The following FAM13A variants were observed in gnomAD, a reference collection of about 807,000 sequenced individuals.
The protein encoded by FAM13A is family with sequence similarity 13 member A, also known as protein FAM13A.
A neutral mutation model predicts 129.6 loss-of-function variants in FAM13A; 76 were observed. The ratio of observed to expected loss-of-function variants is 0.59; its 90% CI spans 0.49 to 0.71. The LOEUF (loss-of-function observed/expected upper bound fraction) is 0.71. Ranked by LOEUF, FAM13A falls within the 30% of genes least tolerant of loss-of-function variation. The pLI, the probability that FAM13A is intolerant of heterozygous loss-of-function variation, is 0.00. For missense variants in FAM13A, 1,108 were observed against 1,249.3 expected (o/e 0.89, Z 1.70); for synonymous variants, 443 against 449.9 (o/e 0.98, Z 0.20).
intron 6 of FAM13A, among the ~76,000 whole-genome samples, chr4:88,887,299 TAAAG>T (rs1190507331): frequency 1.3e-5 from 2 of 151,994 alleles, no homozygotes; most frequent in Non-Finnish European, 2.9e-5. Context: ...AATAAATAAA[TAAAG>T]AAATAAATTT....
At chr4:88,859,155 A>G (rs1480384506) in intron 6 of FAM13A, among the ~76,000 whole-genome samples, 1 of 152,246 alleles carries the variant, frequency 6.6e-6, no homozygotes, top group Non-Finnish European at 1.5e-5. Context: ...AGAATAGCAA[A>G]GGAAAGAGGC....
intron 3 of FAM13A, among the ~76,000 whole-genome samples, chr4:89,011,149 T>A (rs368126191): frequency 1.3e-5 from 2 of 152,080 alleles, no homozygotes; most frequent in African/African-American, 4.8e-5. Flanking sequence ...TGCCTGGCCA[T>A]CCTCATTATC....
chr4:88,836,842 C>A (rs999297988), intron 7 of FAM13A, among the ~76,000 whole-genome samples: 7 of 151,862 alleles, frequency 4.6e-5, no homozygotes, highest in African/African-American at 1.7e-4. Flanking sequence ...TGTTTGTAAT[C>A]CCAGCTATTT....
Position 88,752,502 on chromosome 4 carries a change from A to C in FAM13A, c.1727-1865T>G, listed in dbSNP as rs79919426. Among the ~76,000 whole-genome samples, 413 of 152,348 alleles carry C rather than the reference A, an allele frequency of 2.7e-3. 3 individuals are homozygous for C. Among genetic ancestry groups the C allele is most frequent in the African/African-American group, 9.7e-3 (402 of 41,574 alleles). On this transcript the variant is annotated intron_variant, in intron 14 of 23. Coordinates refer to ENST00000264344, the MANE Select transcript of FAM13A (RefSeq NM_014883.4). ...GTTATCTGGAAATGCAGATAAAAAT[A>C]CAAATATTTTAAGAAATGAAAGCAG...
At chr4:89,047,314 C>G (rs1770992439) in intron 1 of FAM13A, among the ~76,000 whole-genome samples, 1 of 152,024 alleles carries the variant, frequency 6.6e-6, no homozygotes, top group Non-Finnish European at 1.5e-5. Flanking sequence ...ATTTTCTCCT[C>G]TTAAGTTACC....
chr4:88,915,551 T>G (rs1446022791), intron 5 of FAM13A, among the ~76,000 whole-genome samples: 1 of 152,186 alleles, frequency 6.6e-6, no homozygotes, highest in African/African-American at 2.4e-5. Flanking sequence ...ATTATAATTT[T>G]GATTGTGTTT....
At chr4:88,779,379 A>G (rs551615441) in intron 11 of FAM13A, among the ~76,000 whole-genome samples, 6 of 152,334 alleles carry the variant, frequency 3.9e-5, no homozygotes, top group Admixed American at 2.6e-4. Flanking sequence ...ACAACGTAAC[A>G]TTCAGGATGT....
intron 7 of FAM13A, among the ~76,000 whole-genome samples, chr4:88,808,818 A>G (rs1166814675): frequency 2.6e-5 from 4 of 152,114 alleles, no homozygotes. Context: ...AGATTTGGGC[A>G]ATCACCTCAT....
chr4:88,897,378 C>A (rs1423734552), intron 6 of FAM13A, among the ~76,000 whole-genome samples: 1 of 152,142 alleles, frequency 6.6e-6, no homozygotes, highest in Non-Finnish European at 1.5e-5. Context: ...GATGTATCAT[C>A]TTTTTCATCC....
chr4:88,975,670 T>C (rs1464817079), intron 4 of FAM13A, among the ~76,000 whole-genome samples: 6 of 152,210 alleles, frequency 3.9e-5, no homozygotes, highest in Non-Finnish European at 7.4e-5. Flanking sequence ...AAAATCCGAA[T>C]TTGCTTTTTC....
intron 4 of FAM13A, among the ~76,000 whole-genome samples, chr4:88,944,822 G>T (rs1352178542): frequency 6.6e-6 from 1 of 151,506 alleles, no homozygotes; most frequent in Admixed American, 6.6e-5. Flanking sequence ...ACAACTGCTT[G>T]AACCCAGAAG....
chr4:88,843,308 C>T (rs1736138238), intron 7 of FAM13A, among the ~76,000 whole-genome samples: 1 of 152,184 alleles, frequency 6.6e-6, no homozygotes, highest in Admixed American at 6.5e-5. Flanking sequence ...CATATGGGTG[C>T]TACTTTAGCT....
chr4:88,942,181 T>A (rs1244838076), intron 4 of FAM13A, among the ~76,000 whole-genome samples: 2 of 152,168 alleles, frequency 1.3e-5, no homozygotes, highest in Non-Finnish European at 2.9e-5. Flanking sequence ...ATATCCTAGA[T>A]GAAAAAAACT....
intron 7 of FAM13A, 108 bp downstream of exon 7, chr4:88,850,912 C>G: frequency 1.0e-6 from 1 of 961,764 alleles, no homozygotes; most frequent in East Asian, 2.4e-5. Context: ...TGATCTATAT[C>G]CTGTAAACTC....
intron 10 of FAM13A, among the ~76,000 whole-genome samples, chr4:88,787,134 T>G: frequency 6.6e-6 from 1 of 152,160 alleles, no homozygotes; most frequent in East Asian, 1.9e-4. Context: ...TCATCTGTAT[T>G]TTATTAAATC....
At chr4:89,022,068 G>T (rs1007536991) in intron 2 of FAM13A, among the ~76,000 whole-genome samples, 1 of 152,146 alleles carries the variant, frequency 6.6e-6, no homozygotes, top group Admixed American at 6.5e-5. Context: ...TGACATTCTT[G>T]AGAGTCTAAT....
chr4:88,872,768 C>G (rs1741649843), intron 6 of FAM13A, among the ~76,000 whole-genome samples: 1 of 152,178 alleles, frequency 6.6e-6, no homozygotes, highest in African/African-American at 2.4e-5. Context: ...GACTTGAACT[C>G]AGCTCTGCAG....
At chr4:88,755,669 A>G (rs1743464989) in intron 14 of FAM13A, among the ~76,000 whole-genome samples, 3 of 152,102 alleles carry the variant, frequency 2.0e-5, no homozygotes, top group South Asian at 4.1e-4. Flanking sequence ...TCTCATCTGT[A>G]TAATAGGAAG....
chr4:88,830,231 C>T, intron 7 of FAM13A, among the ~76,000 whole-genome samples: 1 of 152,120 alleles, frequency 6.6e-6, no homozygotes, highest in Non-Finnish European at 1.5e-5. Context: ...AAATTGTATT[C>T]TTGATTGTAT....
Sources: gnomAD v4.1 joint callset for allele counts (sites outside exome capture counted in the v4.1 genomes callset) on GRCh38, gnomAD v4.1.1 for gene constraint, MANE v1.5 for transcripts, NCBI Gene and HGNC (gene_info 2026-07-23, HGNC 2026-07-21) for gene names.